LUZP2: variants seen among roughly 807,000 people sequenced by gnomAD.
The protein encoded by LUZP2 is leucine zipper protein 2.
Under a neutral mutation model 51.6 loss-of-function variants are expected in LUZP2, and 52 were observed. The ratio of observed to expected loss-of-function variants is 1.01; its 90% CI spans 0.81 to 1.27. The LOEUF is 1.27. Ranked by LOEUF, LUZP2 falls within the 50% of genes most tolerant of loss-of-function variation. The probability of loss-of-function intolerance (pLI) is 0.00; values close to 1 mark genes in which losing one functional copy is unlikely to be tolerated. For synonymous variants in LUZP2, 154 were observed against 137.3 expected (o/e 1.12, Z -0.85); for missense variants, 436 against 395.4 (o/e 1.10, Z -0.87).
At chr11:24,680,900 G>A (rs1175483762) in intron 1 of LUZP2, among the ~76,000 whole-genome samples, 3 of 151,872 alleles carry the variant, frequency 2.0e-5, no homozygotes, top group Admixed American at 6.6e-5. Context: ...TTGGACTGCT[G>A]TAACAACAAC....
At chr11:24,662,448 A>C (rs1046314937) in intron 1 of LUZP2, among the ~76,000 whole-genome samples, 1 of 152,152 alleles carries the variant, frequency 6.6e-6, no homozygotes, top group Non-Finnish European at 1.5e-5. Context: ...TTTACAAAAT[A>C]ATGTCCAAAC....
chr11:24,987,721 C>T (rs772758382), intron 9 of LUZP2, among the ~76,000 whole-genome samples: 1 of 151,910 alleles, frequency 6.6e-6, no homozygotes, highest in Non-Finnish European at 1.5e-5. Flanking sequence ...GTGAAAACTG[C>T]ATTTTTCTTG....
At chr11:24,622,663 C>T (rs899678690) in intron 1 of LUZP2, among the ~76,000 whole-genome samples, 1 of 152,102 alleles carries the variant, frequency 6.6e-6, no homozygotes, top group Non-Finnish European at 1.5e-5. Context: ...AACAGTTTAA[C>T]TTTGGATAAT....
chr11:24,849,322 T>G (rs1041366310), intron 5 of LUZP2, among the ~76,000 whole-genome samples: 1 of 152,042 alleles, frequency 6.6e-6, no homozygotes, highest in African/African-American at 2.4e-5. Flanking sequence ...GATGTTCCCC[T>G]CCCTGTGTCC....
At chr11:24,973,234 T>C (rs1240579381) in intron 7 of LUZP2, among the ~76,000 whole-genome samples, 2 of 151,364 alleles carry the variant, frequency 1.3e-5, no homozygotes, top group African/African-American at 2.4e-5. Context: ...TGCATAGAGG[T>C]GTTTATAGTA....
intron 1 of LUZP2, among the ~76,000 whole-genome samples, chr11:24,557,269 A>G (rs1851898918): frequency 6.6e-6 from 1 of 152,208 alleles, no homozygotes; most frequent in Non-Finnish European, 1.5e-5. Flanking sequence ...ACATTATTGA[A>G]TCAATGAGTA....
intron 5 of LUZP2, among the ~76,000 whole-genome samples, chr11:24,771,677 C>G (rs79239349): frequency 0.08 from 12,215 of 152,016 alleles, 1,063 homozygotes; most frequent in African/African-American, 0.22. Context: ...GTGTCCCTAC[C>G]CAAATCTCAC....
intron 5 of LUZP2, among the ~76,000 whole-genome samples, chr11:24,842,756 T>C (rs2134203667): frequency 6.6e-6 from 1 of 152,106 alleles, no homozygotes; most frequent in African/African-American, 2.4e-5. Context: ...AGATTATATG[T>C]AATGTTATTA....
intron 5 of LUZP2, among the ~76,000 whole-genome samples, chr11:24,905,648 C>G (rs986199320): frequency 6.6e-6 from 1 of 152,270 alleles, no homozygotes; most frequent in South Asian, 2.1e-4. Flanking sequence ...GAAAGTTCTC[C>G]AGTATAGACT....
intron 1 of LUZP2, among the ~76,000 whole-genome samples, chr11:24,624,423 C>G (rs1320916469): frequency 6.6e-6 from 1 of 151,938 alleles, no homozygotes; most frequent in Non-Finnish European, 1.5e-5. Context: ...TCAAAAATAG[C>G]TGGTTAAACA....
chr11:25,042,436 T>A (rs1264563349), intron 9 of LUZP2, among the ~76,000 whole-genome samples: 1 of 152,170 alleles, frequency 6.6e-6, no homozygotes, highest in Non-Finnish European at 1.5e-5. Flanking sequence ...TTTGGATACT[T>A]TGATGAGGGA....
chr11:25,060,830 G>T (rs1019217201), intron 10 of LUZP2, among the ~76,000 whole-genome samples: 1 of 151,526 alleles, frequency 6.6e-6, no homozygotes, highest in African/African-American at 2.4e-5. Context: ...TCCTCTTCTT[G>T]TTTCTTCCTC....
intron 1 of LUZP2, among the ~76,000 whole-genome samples, chr11:24,514,539 G>T (rs564937978): frequency 6.6e-6 from 1 of 152,280 alleles, no homozygotes; most frequent in East Asian, 1.9e-4. Context: ...AAGCCCACTT[G>T]TCAATGGAAT....
Position 24,980,247 on chromosome 11 carries a change from CTT to C in LUZP2, c.598-2877_598-2876del, listed in dbSNP as rs201147091. 2.6e-5 allele frequency among the ~76,000 whole-genome samples: 4 copies of C among 150,996 alleles called. No individual in the cohort carries two copies. The East Asian group carries it at 7.8e-4, about 29-fold the overall frequency. ...GTTTAGATATTAGGGGCACAGTTGT[CTT>C]TGCAAGGTATATCTTGTTGTCCCCA... On this transcript the variant is annotated intron_variant, in intron 8 of 11. Coordinates refer to ENST00000336930, the MANE Select transcript of LUZP2 (RefSeq NM_001009909.4).
At chr11:24,913,667 A>ATT (rs144879145) in intron 6 of LUZP2, among the ~76,000 whole-genome samples, 33,008 of 134,858 alleles carry the variant, frequency 0.24, 4,306 homozygotes, top group East Asian at 0.42. Flanking sequence ...TAATCTATTT[A>ATT]TTTGTGTGTG....
intron 1 of LUZP2, among the ~76,000 whole-genome samples, chr11:24,670,631 G>A (rs1856374767): frequency 6.6e-6 from 1 of 151,794 alleles, no homozygotes; most frequent in Non-Finnish European, 1.5e-5. Flanking sequence ...TTAAATATCT[G>A]TATTGATAAA....
chr11:24,560,240 G>A (rs181070537), intron 1 of LUZP2, among the ~76,000 whole-genome samples: 31 of 152,234 alleles, frequency 2.0e-4, no homozygotes, highest in African/African-American at 6.5e-4. Context: ...CAGTTTCTGT[G>A]TTGAGTTACA....
At chr11:24,696,426 G>T (rs1297290930) in intron 1 of LUZP2, among the ~76,000 whole-genome samples, 1 of 152,056 alleles carries the variant, frequency 6.6e-6, no homozygotes, top group Non-Finnish European at 1.5e-5. Context: ...ACAATAGAAT[G>T]TGAATGAGCA....
intron 9 of LUZP2, among the ~76,000 whole-genome samples, chr11:25,015,202 A>G (rs935814471): frequency 6.6e-6 from 1 of 152,162 alleles, no homozygotes; most frequent in African/African-American, 2.4e-5. Flanking sequence ...AGAAAGAAAC[A>G]TTATTATCCT....
Sources: gnomAD v4.1 joint callset for allele counts (sites outside exome capture counted in the v4.1 genomes callset) on GRCh38, gnomAD v4.1.1 for gene constraint, MANE v1.5 for transcripts, NCBI Gene and HGNC (gene_info 2026-07-23, HGNC 2026-07-21) for gene names.